PKN2: variants seen among roughly 807,000 people sequenced by gnomAD.
PKN2 encodes protein kinase N2.
Under a neutral mutation model 119.1 loss-of-function variants are expected in PKN2, and 38 were observed. The observed-to-expected ratio is 0.32, with a 90% CI of 0.25 to 0.42. The LOEUF is 0.42. Ranked by LOEUF, PKN2 falls within the 10% of genes least tolerant of loss-of-function variation. PKN2 has a pLI of 1.00. For missense variants in PKN2, 850 were observed against 1,165.1 expected, an observed-to-expected ratio of 0.73 and a Z score of 3.94; for synonymous variants, 390 against 384.9, an observed-to-expected ratio of 1.01 and a Z score of -0.15.
chr1:88,798,485 G>C (rs1005364314), intron 8 of PKN2, among the ~76,000 whole-genome samples: 1 of 151,966 alleles, frequency 6.6e-6, no homozygotes. Context: ...ATAAATTGTT[G>C]GTGCTGATGA....
intron 21 of PKN2, 22 bp downstream of exon 21, chr1:88,833,179 TTTTTATGAA>T (rs1344823253): frequency 3.1e-6 from 5 of 1,610,584 alleles, no homozygotes; most frequent in Non-Finnish European, 4.2e-6. Context: ...TATTTAAAAT[TTTTTATGAA>T]ACTAGAGCGA....
intron 19 of PKN2, among the ~76,000 whole-genome samples, chr1:88,829,939 T>C (rs1672666082): frequency 6.6e-6 from 1 of 152,204 alleles, no homozygotes. Context: ...CCTTTTGGTA[T>C]GTCAATTTGA....
At chr1:88,796,441 C>T (rs1671069549) in intron 8 of PKN2, among the ~76,000 whole-genome samples, 1 of 152,198 alleles carries the variant, frequency 6.6e-6, no homozygotes, top group African/African-American at 2.4e-5. Flanking sequence ...CTCCTCATGA[C>T]TTATCTCTGC....
chr1:88,776,126 C>G (rs1670088847), intron 6 of PKN2, among the ~76,000 whole-genome samples: 1 of 149,800 alleles, frequency 6.7e-6, no homozygotes, highest in Non-Finnish European at 1.5e-5. Context: ...AAAAAAAATA[C>G]TGGCTTCTAT....
intron 4 of PKN2, 102 bp downstream of exon 4, chr1:88,770,571 C>G: frequency 1.6e-6 from 1 of 618,462 alleles, no homozygotes; most frequent in South Asian, 2.3e-5. Flanking sequence ...GGAAGCATTA[C>G]TATTACTTTT....
intron 1 of PKN2, among the ~76,000 whole-genome samples, chr1:88,728,918 G>A (rs1668011790): frequency 7.3e-6 from 1 of 137,290 alleles, no homozygotes; most frequent in Non-Finnish European, 1.5e-5. Flanking sequence ...TTTTTTAGAT[G>A]GAGTTTCGCT....
chr1:88,789,641 C>T (rs1009009522), intron 8 of PKN2, among the ~76,000 whole-genome samples: 2 of 149,358 alleles, frequency 1.3e-5, no homozygotes, highest in Non-Finnish European at 3.0e-5. Context: ...CCAGCCTGGG[C>T]GACAGAGCAA....
chr1:88,760,292 C>A lies in PKN2; in HGVS notation c.420C>A (p.Ala140=). ...CTACTAGCAACAATAGATTGAAGGC[C>A]TTACAAAAACAATTGGATATAGAAC... ...RCSTSNNRLK[A]LQKQLDIELK... The change falls in exon 3 of 22, where the codon GCC becomes GCA. Residue 140 remains alanine (A), a synonymous_variant. Coordinates refer to ENST00000370521, the MANE Select transcript of PKN2 (RefSeq NM_006256.4). 6.4e-7 allele frequency: 1 copy of A among 1,564,662 alleles called. No homozygotes were observed. Among genetic ancestry groups the A allele is most frequent in the Non-Finnish European group, 8.8e-7 (1 of 1,136,908 alleles).
chr1:88,789,691 T>TAATAAC (rs887795312), intron 8 of PKN2, among the ~76,000 whole-genome samples: 5 of 123,232 alleles, frequency 4.1e-5, no homozygotes, highest in African/African-American at 1.5e-4. Context: ...ATAATAATAA[T>TAATAAC]AACAACAACA....
At chr1:88,824,247 C>T (rs986239565) in intron 17 of PKN2, 63 bp from the exon 18 acceptor site, 1 of 800,408 alleles carries the variant, frequency 1.2e-6, no homozygotes, top group Non-Finnish European at 2.1e-6. Context: ...ATTTTTTTAA[C>T]TGTATAACCT....
At chr1:88,717,584 C>T (rs988023124) in intron 1 of PKN2, among the ~76,000 whole-genome samples, 5 of 151,728 alleles carry the variant, frequency 3.3e-5, no homozygotes, top group South Asian at 4.2e-4. Flanking sequence ...TTGATCGAAT[C>T]GGCTACTGAA....
At position 88,813,725 on chromosome 1, in the gene PKN2, A is replaced by T; in HGVS notation, c.2271A>T (p.Pro757=). The T allele has an allele frequency of 6.3e-7, 1 of 1,592,092 alleles. No individual in the cohort carries two copies. The highest frequency in any genetic ancestry group is 8.5e-7 in the Non-Finnish European group (1 of 1,172,652). ...MHIHTDVFSE[P]RAVFYAACVV... ...TTCATACTGATGTCTTTTCTGAACC[A>T]AGAGCTGTGTGAGTATGCTTTAGAC... Residue 757 remains proline, a synonymous_variant, in exon 16 of 22, where the codon CCA becomes CCT. Coordinates refer to ENST00000370521, the MANE Select transcript of PKN2 (RefSeq NM_006256.4).
chr1:88,711,402 CAT>C (rs1443765211), intron 1 of PKN2, among the ~76,000 whole-genome samples: 6 of 152,056 alleles, frequency 3.9e-5, no homozygotes, highest in African/African-American at 1.4e-4. Context: ...GGTTTTGAAA[CAT>C]GTTTCTATGT....
At chr1:88,816,438 G>A (rs145255246) in intron 16 of PKN2, among the ~76,000 whole-genome samples, 10,126 of 150,988 alleles carry the variant, frequency 0.067, 684 homozygotes, top group African/African-American at 0.18. Context: ...GTAGAGACGG[G>A]GTTTCACTCT....
chr1:88,688,580 AGT>A (rs1666206484), intron 1 of PKN2, among the ~76,000 whole-genome samples: 1 of 152,224 alleles, frequency 6.6e-6, no homozygotes, highest in Non-Finnish European at 1.5e-5. Flanking sequence ...ATAATTTAGC[AGT>A]GTTTTATTAT....
intron 3 of PKN2, among the ~76,000 whole-genome samples, chr1:88,763,930 G>A (rs937834967): frequency 1.3e-5 from 2 of 152,132 alleles, no homozygotes; most frequent in Non-Finnish European, 2.9e-5. Context: ...AATTCAGTTT[G>A]GCAGTAAAAA....
At chr1:88,788,802 G>A (rs1670689809) in intron 8 of PKN2, among the ~76,000 whole-genome samples, 1 of 151,998 alleles carries the variant, frequency 6.6e-6, no homozygotes, top group Non-Finnish European at 1.5e-5. Context: ...TTTCTATTCT[G>A]TCGGGTTACT....
chr1:88,796,155 C>CT (rs1195022747), intron 8 of PKN2, among the ~76,000 whole-genome samples: 1 of 152,170 alleles, frequency 6.6e-6, no homozygotes, highest in African/African-American at 2.4e-5. Flanking sequence ...ATTTTAGATT[C>CT]CAAATTTTTT....
At chr1:88,770,512 C>G in intron 4 of PKN2, 43 bp downstream of exon 4, 1 of 1,001,602 alleles carries the variant, frequency 1.0e-6, no homozygotes, top group Non-Finnish European at 1.6e-6. Flanking sequence ...CATAATGGTG[C>G]TAAATAATCT....
Sources: allele counts gnomAD v4.1 joint callset (sites outside exome capture counted in the v4.1 genomes callset), GRCh38; gene constraint gnomAD v4.1.1; transcripts MANE v1.5; gene names NCBI Gene and HGNC (gene_info 2026-07-23, HGNC 2026-07-21).